Variants in SH3RF3 observed in about 807,000 individuals in gnomAD.
The protein encoded by SH3RF3 is E3 ubiquitin-protein ligase SH3RF3.
A neutral mutation model predicts 66.3 loss-of-function variants in SH3RF3; 29 were observed. The observed-to-expected ratio is 0.44, with a 90% CI of 0.33 to 0.60. SH3RF3 has a LOEUF of 0.60. SH3RF3 is among the 20% of genes least tolerant of loss of function. The pLI, the probability that SH3RF3 is intolerant of heterozygous loss-of-function variation, is 0.04. For missense variants in SH3RF3, 1,194 were observed against 1,190.9 expected, an observed-to-expected ratio of 1.00 and a Z score of -0.04; for synonymous variants, 583 against 532.0, an observed-to-expected ratio of 1.10 and a Z score of -1.32.
intron 1 of SH3RF3, among the ~76,000 whole-genome samples, chr2:109,168,609 T>C (rs948943089): frequency 5.3e-5 from 8 of 152,170 alleles, no homozygotes; most frequent in Non-Finnish European, 1.0e-4. Context: ...GATCTGGCCG[T>C]AGGTGGTAAG....
intron 1 of SH3RF3, among the ~76,000 whole-genome samples, chr2:109,283,210 C>T (rs1454978951): frequency 1.3e-5 from 2 of 152,186 alleles, no homozygotes; most frequent in Admixed American, 1.3e-4. Context: ...TCGCTCCCTC[C>T]AGGCCCCAGC....
intron 1 of SH3RF3, among the ~76,000 whole-genome samples, chr2:109,270,194 C>A (rs1680591985): frequency 6.6e-6 from 1 of 152,166 alleles, no homozygotes; most frequent in African/African-American, 2.4e-5. Context: ...CAAATTGGGG[C>A]AGCATGTGGC....
intron 1 of SH3RF3, among the ~76,000 whole-genome samples, chr2:109,250,385 T>G (rs1558982253): frequency 6.6e-6 from 1 of 152,116 alleles, no homozygotes; most frequent in Non-Finnish European, 1.5e-5. Flanking sequence ...AGCTTAGCAA[T>G]GTAAGCTTGT....
chr2:109,142,051 G>A (rs935282530), intron 1 of SH3RF3, among the ~76,000 whole-genome samples: 2 of 151,540 alleles, frequency 1.3e-5, no homozygotes, highest in Non-Finnish European at 2.9e-5. Flanking sequence ...CCTGGGGGGG[G>A]GGTCTCAGGT....
intron 1 of SH3RF3, among the ~76,000 whole-genome samples, chr2:109,162,677 C>A (rs746927275): frequency 2.0e-5 from 3 of 152,160 alleles, no homozygotes; most frequent in Non-Finnish European, 4.4e-5. Flanking sequence ...AATAGTGCCA[C>A]AATAAACATA....
intron 2 of SH3RF3, among the ~76,000 whole-genome samples, chr2:109,362,216 G>A (rs778522220): frequency 1.6e-4 from 25 of 151,988 alleles, no homozygotes; most frequent in Non-Finnish European, 3.2e-4. Flanking sequence ...AAATTTCCCT[G>A]TAGGTGCTAC....
In SH3RF3 at chr2:109,449,286, TCC is replaced by T; in HGVS notation, c.1948_1949del (p.Pro650AlafsTer65). On this transcript the variant is annotated frameshift_variant, in exon 8 of 10. Transcript: ENST00000309415. LOFTEE classifies it high-confidence loss of function. Reference protein sequence around the residue: ...ATSLRPHSVVSPQHSHQPPVQ... With the variant: ...ATSLRPHSVVXPQHSHQPPVQ... ...CAGCCTCAGGCCCCACTCGGTGGTG[TCC>T]CCGCAGCACAGCCACCAGCCCCCGG... 6.2e-7 allele frequency: 1 copy of T among 1,609,598 alleles called. No individual in the cohort carries two copies. The highest frequency in any genetic ancestry group is 8.5e-7 in the Non-Finnish European group (1 of 1,178,102).
chr2:109,343,636 C>G (rs141953586), intron 1 of SH3RF3, among the ~76,000 whole-genome samples: 2 of 152,146 alleles, frequency 1.3e-5, no homozygotes, highest in Non-Finnish European at 1.5e-5. Context: ...CAGACTCGAG[C>G]CCAGCAGGTG....
chr2:109,332,338 G>A (rs1196145669), intron 1 of SH3RF3, among the ~76,000 whole-genome samples: 1 of 152,058 alleles, frequency 6.6e-6, no homozygotes, highest in Non-Finnish European at 1.5e-5. Flanking sequence ...TGAGAGTTGC[G>A]CCCAGGGGTG....
intron 1 of SH3RF3, among the ~76,000 whole-genome samples, chr2:109,227,540 GC>G (rs929536207): frequency 6.6e-6 from 1 of 152,178 alleles, no homozygotes; most frequent in Non-Finnish European, 1.5e-5. Flanking sequence ...GTCTGCCTGG[GC>G]CCTGCCCTTC....
rs1679414496 is a variant in SH3RF3, at chr2:109,502,437, G to A, written c.*766G>A. On this transcript the variant is annotated 3_prime_UTR_variant, in exon 10 of 10. Coordinates refer to ENST00000309415, the MANE Select transcript of SH3RF3 (RefSeq NM_001099289.3). The stretch of plus-strand genomic sequence containing the variant: ...TTTTTGTAAAACTAATAATGACTTG[G>A]TTGAGCTTGAAAGAAAAGATGTCTG... 6.6e-6 allele frequency: 1 copy of A among 152,130 alleles called. No individual in the cohort carries two copies. The highest frequency in any genetic ancestry group is 1.5e-5 in the Non-Finnish European group (1 of 68,034). The allele number at this position is 152,130 out of a possible 1,614,324, so 9.4% of individuals were successfully genotyped here. A position where few individuals can be genotyped will look rare whatever the true frequency, so the allele number is the denominator to read the frequency against.
At chr2:109,169,345 C>G (rs1677702696) in intron 1 of SH3RF3, among the ~76,000 whole-genome samples, 1 of 47,960 alleles carries the variant, frequency 2.1e-5, no homozygotes, top group Non-Finnish European at 4.6e-5. Context: ...AATTTCTGAG[C>G]CCACCAAGTT....
At chr2:109,495,821 C>T (rs143185222) in intron 9 of SH3RF3, among the ~76,000 whole-genome samples, 2,659 of 152,214 alleles carry the variant, frequency 0.017, 86 homozygotes, top group African/African-American at 0.061. Context: ...TCCTAGTTTC[C>T]ACATACATAA....
At chr2:109,246,006 C>CA (rs1367844885) in intron 1 of SH3RF3, among the ~76,000 whole-genome samples, 1 of 152,050 alleles carries the variant, frequency 6.6e-6, no homozygotes, top group African/African-American at 2.4e-5. Context: ...TGTGGTGAAA[C>CA]AAAAAAAGAG....
intron 1 of SH3RF3, among the ~76,000 whole-genome samples, chr2:109,188,065 T>C (rs4676259): frequency 0.82 from 124,394 of 152,228 alleles, 50,953 homozygotes; most frequent in East Asian, 0.89. Flanking sequence ...CCCGTGAGCG[T>C]AGTGAGTGGT....
At position 109,347,776 on chromosome 2, in the gene SH3RF3, A is replaced by C. The variant is rs1238629759; in HGVS notation, c.676A>C (p.Lys226Gln). ...GGGGGACATCATCGTCCTGCGGCGC[A>C]AGGTGGATGAACAGTGGTACCACGG... ...NKGDIIVLRR[K>Q]VDEQWYHGEL... is the part of the protein sequence containing the mutation. Residue 226 changes from lysine (K) to glutamine (Q), a missense_variant, in exon 2 of 10, where the codon AAG becomes CAG. Transcript: ENST00000309415. 1 of 1,613,990 alleles carries C rather than the reference A, an allele frequency of 6.2e-7. No individual in the cohort carries two copies.
At chr2:109,432,380 A>G (rs1573246904) in intron 5 of SH3RF3, 121 bp from the exon 6 acceptor site, 4 of 1,270,956 alleles carry the variant, frequency 3.1e-6, no homozygotes, top group East Asian at 2.5e-5. Context: ...GAGCCCCCAT[A>G]GACTCTAGTG....
intron 8 of SH3RF3, among the ~76,000 whole-genome samples, chr2:109,474,613 G>C (rs367831393): frequency 6.6e-5 from 10 of 152,362 alleles, no homozygotes; most frequent in East Asian, 5.8e-4. Flanking sequence ...TTTGGGCAGG[G>C]GGGGAGAACG....
At chr2:109,471,206 C>CAAAAAAAA (rs61224177) in intron 8 of SH3RF3, among the ~76,000 whole-genome samples, 2 of 40,160 alleles carry the variant, frequency 5.0e-5, no homozygotes, top group Admixed American at 2.6e-4. Flanking sequence ...GACTCTGTCT[C>CAAAAAAAA]AAAAAAAAAA....
Sources: allele counts gnomAD v4.1 joint callset (sites outside exome capture counted in the v4.1 genomes callset), GRCh38; gene constraint gnomAD v4.1.1; transcripts MANE v1.5; gene names NCBI Gene and HGNC (gene_info 2026-07-23, HGNC 2026-07-21).